The following HIVEP2 variants were observed in gnomAD, a reference collection of about 807,000 sequenced individuals.
HIVEP2 encodes the protein HIVEP zinc finger 2.
In HIVEP2, 14 loss-of-function variants were observed where a neutral mutation model predicts 180.7. That is an observed-to-expected ratio of 0.08 (90% CI 0.05 to 0.12). The LOEUF is 0.12. Among genes scored for constraint, HIVEP2 ranks in the 10% least tolerant of loss-of-function variants. The probability of loss-of-function intolerance (pLI) is 1.00; values close to 1 mark genes in which losing one functional copy is unlikely to be tolerated. For missense variants in HIVEP2, 2,579 were observed against 3,008.5 expected (o/e 0.86, Z 3.34); for synonymous variants, 1,184 against 1,136.4 (o/e 1.04, Z -0.84).
chr6:142,816,613 ACTG>A (rs1166642093), intron 2 of HIVEP2, among the ~76,000 whole-genome samples: 1 of 152,074 alleles, frequency 6.6e-6, no homozygotes, highest in Non-Finnish European at 1.5e-5. Flanking sequence ...ACTCTAACTC[ACTG>A]CTGTTTTCCC....
At chr6:142,885,768 C>T (rs1330169126) in intron 1 of HIVEP2, among the ~76,000 whole-genome samples, 6 of 152,132 alleles carry the variant, frequency 3.9e-5, no homozygotes, top group Non-Finnish European at 5.9e-5. Context: ...TTTAAATAAG[C>T]TCCCACAATA....
At chr6:142,910,865 C>A (rs1777385316) in intron 1 of HIVEP2, among the ~76,000 whole-genome samples, 1 of 152,156 alleles carries the variant, frequency 6.6e-6, no homozygotes, top group Non-Finnish European at 1.5e-5. Flanking sequence ...GCATGGGGGC[C>A]TGAATTTTTT....
chr6:142,834,788 G>A (rs558346027), intron 2 of HIVEP2, among the ~76,000 whole-genome samples: 43 of 152,178 alleles, frequency 2.8e-4, no homozygotes, highest in African/African-American at 4.6e-4. Context: ...TGTGGTGGGA[G>A]GAGTTGGGCA....
intron 1 of HIVEP2, among the ~76,000 whole-genome samples, chr6:142,894,351 T>C (rs756590400): frequency 2.0e-5 from 3 of 152,292 alleles, no homozygotes; most frequent in South Asian, 2.1e-4. Context: ...TTTCCTAACA[T>C]AGCATAATAC....
intron 1 of HIVEP2, among the ~76,000 whole-genome samples, chr6:142,848,264 T>C (rs915413801): frequency 1.3e-5 from 2 of 152,208 alleles, no homozygotes; most frequent in Non-Finnish European, 2.9e-5. Context: ...TATCTATGGA[T>C]GTGGGATGGG....
chr6:142,787,566 CA>C (rs5880546), intron 2 of HIVEP2, among the ~76,000 whole-genome samples: 54,938 of 118,268 alleles, frequency 0.46, 10,167 homozygotes, highest in South Asian at 0.51. Context: ...TTCCTCTCTA[CA>C]AAAAAAAAAA....
chr6:142,903,103 A>G (rs1777172734), intron 1 of HIVEP2, among the ~76,000 whole-genome samples: 1 of 152,214 alleles, frequency 6.6e-6, no homozygotes, highest in Non-Finnish European at 1.5e-5. Flanking sequence ...CTGCTAAACA[A>G]CACACCATTA....
intron 6 of HIVEP2, 112 bp from the exon 7 acceptor site, chr6:142,765,086 C>A: frequency 1.1e-6 from 1 of 928,504 alleles, no homozygotes; most frequent in Non-Finnish European, 1.6e-6. Context: ...CTTTTGCAGA[C>A]AATTATTCAA....
intron 2 of HIVEP2, among the ~76,000 whole-genome samples, chr6:142,786,999 G>A (rs544960973): frequency 7.9e-5 from 12 of 152,242 alleles, no homozygotes; most frequent in Admixed American, 2.0e-4. Flanking sequence ...TTGGCTGGAT[G>A]TAGTGGCTCA....
intron 1 of HIVEP2, among the ~76,000 whole-genome samples, chr6:142,837,781 T>TAG (rs988877623): frequency 6.6e-6 from 1 of 151,938 alleles, no homozygotes; most frequent in African/African-American, 2.4e-5. Flanking sequence ...TTAACTTAAC[T>TAG]AGAGAGAGAG....
intron 2 of HIVEP2, among the ~76,000 whole-genome samples, chr6:142,818,005 CAAA>C (rs199991919): frequency 8.0e-6 from 1 of 124,414 alleles, no homozygotes; most frequent in African/African-American, 3.1e-5. Flanking sequence ...GACTCTGTCT[CAAA>C]AAAAAAAAAA....
chr6:142,928,097 G>A (rs922512869), intron 1 of HIVEP2, among the ~76,000 whole-genome samples: 2 of 152,200 alleles, frequency 1.3e-5, no homozygotes, highest in African/African-American at 4.8e-5. Flanking sequence ...ACCATGATGT[G>A]TCGATGTAGG....
intron 1 of HIVEP2, among the ~76,000 whole-genome samples, chr6:142,865,928 G>A (rs1474750876): frequency 6.6e-6 from 1 of 152,166 alleles, no homozygotes; most frequent in African/African-American, 2.4e-5. Flanking sequence ...TCTTCTTACA[G>A]TGAAAAAGCA....
intron 1 of HIVEP2, among the ~76,000 whole-genome samples, chr6:142,919,673 A>G (rs1777642354): frequency 6.6e-6 from 1 of 152,220 alleles, no homozygotes; most frequent in South Asian, 2.1e-4. Context: ...GTTCAAACCT[A>G]TTAAGCTTTG....
At chr6:142,811,073 G>A (rs564728579) in intron 2 of HIVEP2, among the ~76,000 whole-genome samples, 3 of 152,202 alleles carry the variant, frequency 2.0e-5, no homozygotes, top group South Asian at 2.1e-4. Context: ...CAGAGTCTCC[G>A]AAGAACAAAA....
rs1253925243 is a variant in HIVEP2 at position 142,773,334 on chromosome 6, T to G, written c.1405A>C (p.Lys469Gln). The change falls in exon 5 of 10, where the codon AAG becomes CAG. Residue 469 changes from lysine to glutamine, a missense_variant. By Grantham distance (53) the Lys-to-Gln change is moderately conservative. This residue lies in a region of HIVEP2 where 524 missense variants were observed against 563.6 expected (regional missense o/e 0.93). Transcript: ENST00000367603. ...LPHVNTRLDV[K>Q]MFEDPVSQLI... ...TGTGAAACAGGATCTTCAAACATCT[T>G]GACATCTAACCTGGTGTTAACGTGA... is the stretch of plus-strand genomic sequence containing the variant. 2 of 1,614,200 alleles carry G rather than the reference T, an allele frequency of 1.2e-6. No individual in the cohort carries two copies. Among genetic ancestry groups the G allele is most frequent in the Non-Finnish European group, 1.7e-6 (2 of 1,180,024 alleles).
At chr6:142,878,821 A>G (rs539518624) in intron 1 of HIVEP2, among the ~76,000 whole-genome samples, 25 of 152,280 alleles carry the variant, frequency 1.6e-4, no homozygotes, top group African/African-American at 6.0e-4. Flanking sequence ...ACCTCGCCTC[A>G]TCATCCTAAT....
chr6:142,906,583 A>C (rs1340594398), intron 1 of HIVEP2, among the ~76,000 whole-genome samples: 2 of 152,150 alleles, frequency 1.3e-5, no homozygotes, highest in Non-Finnish European at 2.9e-5. Flanking sequence ...TATGATAAAA[A>C]ATATTCATTC....
At chr6:142,784,152 T>A (rs1421249868) in intron 2 of HIVEP2, among the ~76,000 whole-genome samples, 1 of 152,216 alleles carries the variant, frequency 6.6e-6, no homozygotes, top group African/African-American at 2.4e-5. Flanking sequence ...ATGGAATTAA[T>A]ATTTATTCAA....
Sources: allele counts gnomAD v4.1 joint callset (sites outside exome capture counted in the v4.1 genomes callset), GRCh38; gene constraint gnomAD v4.1.1; regional missense constraint gnomAD v4.1.1; transcripts MANE v1.5; gene names NCBI Gene and HGNC (gene_info 2026-07-23, HGNC 2026-07-21).